The following CREB5 variants were observed in gnomAD, a reference collection of about 807,000 sequenced individuals.
CREB5 encodes the protein cyclic AMP-responsive element-binding protein 5.
A neutral mutation model predicts 57.1 loss-of-function variants in CREB5; 19 were observed. The observed-to-expected ratio is 0.33, with a 90% CI of 0.23 to 0.49. CREB5 has a LOEUF of 0.49. CREB5 is among the 20% of genes least tolerant of loss of function. The probability of loss-of-function intolerance (pLI) is 0.99; values close to 1 mark genes in which losing one functional copy is unlikely to be tolerated. For missense variants in CREB5, 579 were observed against 671.6 expected (o/e 0.86, Z 1.52); for synonymous variants, 238 against 238.3 (o/e 1.00, Z 0.01).
intron 5 of CREB5, among the ~76,000 whole-genome samples, chr7:28,632,950 A>G (rs928322619): frequency 1.3e-5 from 2 of 152,232 alleles, no homozygotes; most frequent in Non-Finnish European, 1.5e-5. Context: ...ATAGTGTATT[A>G]TATCATGGGC....
At chr7:28,389,133 G>A (rs1011595472) in intron 1 of CREB5, among the ~76,000 whole-genome samples, 5 of 152,228 alleles carry the variant, frequency 3.3e-5, no homozygotes, top group Middle Eastern at 3.4e-3. Flanking sequence ...AAAGCCTCAC[G>A]TTCATTATTT....
At chr7:28,698,079 A>G (rs1267685132) in intron 5 of CREB5, among the ~76,000 whole-genome samples, 1 of 152,218 alleles carries the variant, frequency 6.6e-6, no homozygotes, top group Non-Finnish European at 1.5e-5. Flanking sequence ...ATACGGATTA[A>G]ATTTCCCTTG....
At chr7:28,465,264 G>A (rs749469426) in intron 1 of CREB5, among the ~76,000 whole-genome samples, 2 of 152,148 alleles carry the variant, frequency 1.3e-5, no homozygotes, top group Non-Finnish European at 2.9e-5. Context: ...TTAAGTCTAG[G>A]CTTGTGCTAG....
At chr7:28,742,934 C>T (rs551752937) in intron 7 of CREB5, among the ~76,000 whole-genome samples, 1 of 152,244 alleles carries the variant, frequency 6.6e-6, no homozygotes, top group South Asian at 2.1e-4. Context: ...AGGTGTGCAC[C>T]ACCATGTCCA....
At chr7:28,623,963 AACAATGATGATGGTGATGATGATGG>A (rs1797899338) in intron 5 of CREB5, among the ~76,000 whole-genome samples, 4 of 152,334 alleles carry the variant, frequency 2.6e-5, no homozygotes, top group Middle Eastern at 6.8e-3. Context: ...ATATGATAAG[AACAATGATGATGGTGATGATGATGG>A]TGGTGATGAC....
At chr7:28,617,230 T>C (rs973100434) in intron 5 of CREB5, among the ~76,000 whole-genome samples, 1 of 152,236 alleles carries the variant, frequency 6.6e-6, no homozygotes, top group African/African-American at 2.4e-5. Flanking sequence ...TGCTCATTAA[T>C]TGTTTATATG....
At chr7:28,395,811 T>TTTTC (rs1403359780) in intron 1 of CREB5, among the ~76,000 whole-genome samples, 2 of 152,254 alleles carry the variant, frequency 1.3e-5, no homozygotes, top group African/African-American at 4.8e-5. Context: ...CTTTTTTTTT[T>TTTTC]CTGTAGTAAC....
intron 7 of CREB5, among the ~76,000 whole-genome samples, chr7:28,758,750 A>G (rs1369819571): frequency 2.6e-5 from 4 of 152,238 alleles, no homozygotes; most frequent in Admixed American, 2.6e-4. Context: ...TATGCTAGCC[A>G]AAAAGAACCC....
At chr7:28,500,758 T>C (rs1188699912) in intron 3 of CREB5, among the ~76,000 whole-genome samples, 1 of 152,210 alleles carries the variant, frequency 6.6e-6, no homozygotes. Context: ...GGAGGGAAGA[T>C]GGCGTATCTC....
chr7:28,811,473 T>A (rs1583802677), intron 9 of CREB5, among the ~76,000 whole-genome samples: 1 of 152,302 alleles, frequency 6.6e-6, no homozygotes, highest in Non-Finnish European at 1.5e-5. Context: ...TACTGCAACC[T>A]TGACCTCCTG....
chr7:28,668,576 A>G (rs1799916634), intron 5 of CREB5, among the ~76,000 whole-genome samples: 2 of 152,214 alleles, frequency 1.3e-5, no homozygotes, highest in South Asian at 2.1e-4. Context: ...AATCTTTAAT[A>G]TAGTAAGGAA....
At chr7:28,683,385 G>C (rs1051324165) in intron 5 of CREB5, among the ~76,000 whole-genome samples, 1 of 152,130 alleles carries the variant, frequency 6.6e-6, no homozygotes, top group Non-Finnish European at 1.5e-5. Context: ...GTTATGTCCC[G>C]AACAACAAGT....
chr7:28,560,845 CGCGTGTGT>C (rs1477175574), intron 4 of CREB5, among the ~76,000 whole-genome samples: 1 of 41,364 alleles, frequency 2.4e-5, no homozygotes, highest in East Asian at 4.8e-4. Context: ...TGTGTGTGTG[CGCGTGTGT>C]GTGTGCGTGT....
At chr7:28,649,643 C>T (rs1021410760) in intron 5 of CREB5, among the ~76,000 whole-genome samples, 24 of 152,142 alleles carry the variant, frequency 1.6e-4, no homozygotes, top group African/African-American at 5.6e-4. Context: ...TATTGCCTTT[C>T]ATTTGAGACC....
rs573036485 is a variant in CREB5, at chr7:28,462,656, A to C, written c.4-25519A>C. On this transcript the variant is annotated intron_variant, in intron 1 of 10. Coordinates refer to ENST00000357727, the MANE Select transcript of CREB5 (RefSeq NM_182898.4). Reference sequence around the variant, plus strand: ...ATCTCACTGTCATTTGCCTTTCCCTAGTGACTACTGATGTTGACGATATTT... The same window carrying C: ...ATCTCACTGTCATTTGCCTTTCCCTCGTGACTACTGATGTTGACGATATTT... Among the ~76,000 whole-genome samples the C allele has an allele frequency of 3.9e-5, 6 of 152,248 alleles. No individual in the cohort carries two copies. The East Asian group carries it at 1.2e-3, about 29-fold the overall frequency.
chr7:28,707,160 C>A (rs1802152620), intron 5 of CREB5, among the ~76,000 whole-genome samples: 1 of 152,088 alleles, frequency 6.6e-6, no homozygotes, highest in African/African-American at 2.4e-5. Flanking sequence ...CTGGGTGTTT[C>A]TGGGTCTTTT....
intron 4 of CREB5, among the ~76,000 whole-genome samples, chr7:28,547,454 A>T (rs371835567): frequency 6.6e-6 from 1 of 152,212 alleles, no homozygotes; most frequent in South Asian, 2.1e-4. Flanking sequence ...TAAAGTTTCT[A>T]TGTTGCAGTC....
intron 1 of CREB5, among the ~76,000 whole-genome samples, chr7:28,399,420 A>T (rs975673213): frequency 2.0e-4 from 5 of 24,550 alleles, no homozygotes; most frequent in African/African-American, 1.1e-3. Flanking sequence ...CATTCTGGTA[A>T]AAAAAAAAAA....
At chr7:28,461,204 T>C (rs1162944222) in intron 1 of CREB5, among the ~76,000 whole-genome samples, 1 of 148,030 alleles carries the variant, frequency 6.8e-6, no homozygotes, top group Admixed American at 6.8e-5. Context: ...CATTCCAGCC[T>C]GGGCAACAGA....
Sources: allele counts gnomAD v4.1 joint callset (sites outside exome capture counted in the v4.1 genomes callset), GRCh38; gene constraint gnomAD v4.1.1; transcripts MANE v1.5; gene names NCBI Gene and HGNC (gene_info 2026-07-23, HGNC 2026-07-21).